The following RBFOX1 variants were observed in gnomAD, a reference collection of about 807,000 sequenced individuals.
RBFOX1 encodes RNA binding fox-1 homolog 1, also known as RNA binding protein fox-1 homolog 1.
A neutral mutation model predicts 57.7 loss-of-function variants in RBFOX1; 8 were observed. The observed-to-expected ratio is 0.14, with a 90% confidence interval of 0.08 to 0.25. The LOEUF (loss-of-function observed/expected upper bound fraction) is 0.25. Ranked by LOEUF, RBFOX1 falls within the 10% of genes least tolerant of loss-of-function variation. The pLI is 1.00. For synonymous variants in RBFOX1, 326 were observed against 222.4 expected (o/e 1.47, Z -4.15); for missense variants, 611 against 548.5 (o/e 1.11, Z -1.14).
intron 4 of RBFOX1, among the ~76,000 whole-genome samples, chr16:7,191,841 T>A (rs1235701294): frequency 6.6e-6 from 1 of 152,244 alleles, no homozygotes; most frequent in African/African-American, 2.4e-5. Flanking sequence ...AGAGTCCGTT[T>A]GGTTTTATTA....
chr16:5,771,533 C>T (rs943094263), intron 3 of RBFOX1, among the ~76,000 whole-genome samples: 3 of 152,104 alleles, frequency 2.0e-5, no homozygotes, highest in Non-Finnish European at 2.9e-5. Context: ...CTCAGCCTCC[C>T]GAATAGCTGA....
chr16:6,973,998 G>C (rs961668961), intron 3 of RBFOX1, among the ~76,000 whole-genome samples: 2 of 152,064 alleles, frequency 1.3e-5, no homozygotes, highest in African/African-American at 4.8e-5. Flanking sequence ...TCATTGTTCA[G>C]CTCTCACTTT....
At chr16:5,953,862 T>G (rs953178476) in intron 4 of RBFOX1, among the ~76,000 whole-genome samples, 2 of 152,084 alleles carry the variant, frequency 1.3e-5, no homozygotes, top group African/African-American at 2.4e-5. Context: ...TACCCAGTAG[T>G]GGGATTGCTG....
chr16:5,265,694 G>T (rs2062840816), intron 1 of RBFOX1, among the ~76,000 whole-genome samples: 1 of 152,118 alleles, frequency 6.6e-6, no homozygotes, highest in African/African-American at 2.4e-5. Flanking sequence ...TTTCCTAGAG[G>T]GGAAGACTTT....
chr16:6,204,795 C>T (rs1302935960), intron 1 of RBFOX1, among the ~76,000 whole-genome samples: 1 of 151,990 alleles, frequency 6.6e-6, no homozygotes, highest in Non-Finnish European at 1.5e-5. Context: ...TTTGTCAGCA[C>T]GTTGTGTGTG....
intron 1 of RBFOX1, among the ~76,000 whole-genome samples, chr16:5,318,570 G>A (rs1312839356): frequency 1.4e-5 from 2 of 145,798 alleles, no homozygotes; most frequent in Non-Finnish European, 3.0e-5. Context: ...CAACCTATTT[G>A]CATTGACTTA....
At chr16:6,356,011 C>A (rs907647590) in intron 2 of RBFOX1, among the ~76,000 whole-genome samples, 5 of 152,102 alleles carry the variant, frequency 3.3e-5, no homozygotes, top group Admixed American at 2.6e-4. Flanking sequence ...AAGAAAGTAG[C>A]ATTAGATTAT....
intron 3 of RBFOX1, among the ~76,000 whole-genome samples, chr16:6,980,650 C>T (rs549282465): frequency 6.6e-6 from 1 of 152,190 alleles, no homozygotes; most frequent in Admixed American, 6.5e-5. Flanking sequence ...TGGTATTTCT[C>T]AAGGAAGAAC....
intron 3 of RBFOX1, among the ~76,000 whole-genome samples, chr16:5,676,736 C>T (rs2050179870): frequency 6.6e-6 from 1 of 152,128 alleles, no homozygotes; most frequent in East Asian, 1.9e-4. Flanking sequence ...GCAGCACATG[C>T]CTGCAATTCC....
intron 3 of RBFOX1, among the ~76,000 whole-genome samples, chr16:5,823,084 A>C (rs1032330578): frequency 6.6e-6 from 1 of 152,144 alleles, no homozygotes; most frequent in Non-Finnish European, 1.5e-5. Flanking sequence ...CCCCATTTGG[A>C]ACTTTTCCCT....
chr16:6,676,142 G>GCACACACACA (rs59806354), intron 3 of RBFOX1, among the ~76,000 whole-genome samples: 3 of 145,860 alleles, frequency 2.1e-5, no homozygotes, highest in African/African-American at 7.8e-5. Context: ...ACACACACGC[G>GCACACACACA]CACACACACA....
chr16:5,966,111 T>C (rs1380652068), intron 4 of RBFOX1, among the ~76,000 whole-genome samples: 1 of 152,192 alleles, frequency 6.6e-6, no homozygotes, highest in Admixed American at 6.5e-5. Flanking sequence ...TTTATTGAAG[T>C]CTAATATACA....
At chr16:6,327,972 G>T (rs17821828) in intron 2 of RBFOX1, among the ~76,000 whole-genome samples, 44,483 of 151,998 alleles carry the variant, frequency 0.29, 7,399 homozygotes, top group Middle Eastern at 0.38. Flanking sequence ...TTCTGAAAAT[G>T]ATCTGGGTGG....
chr16:5,814,495 G>C (rs1404038440), intron 3 of RBFOX1, among the ~76,000 whole-genome samples: 1 of 152,146 alleles, frequency 6.6e-6, no homozygotes, highest in Admixed American at 6.5e-5. Context: ...ATCTTCCCCA[G>C]AATTCCATCA....
At chr16:7,010,989 C>G (rs919909331) in intron 3 of RBFOX1, among the ~76,000 whole-genome samples, 5 of 152,138 alleles carry the variant, frequency 3.3e-5, no homozygotes, top group Non-Finnish European at 5.9e-5. Flanking sequence ...CTGTTCTTTC[C>G]TGTTATATTT....
At chr16:6,784,143 C>T (rs2081507161) in intron 3 of RBFOX1, among the ~76,000 whole-genome samples, 1 of 151,984 alleles carries the variant, frequency 6.6e-6, no homozygotes, top group African/African-American at 2.4e-5. Context: ...GCTTGACTTT[C>T]TTGTACCTGG....
intron 3 of RBFOX1, among the ~76,000 whole-genome samples, chr16:5,614,150 C>T (rs144896853): frequency 1.1e-4 from 16 of 152,120 alleles, no homozygotes; most frequent in African/African-American, 1.2e-4. Context: ...TTGGGAGGTG[C>T]GGATCAGGTG....
intron 3 of RBFOX1, among the ~76,000 whole-genome samples, chr16:6,849,419 AAC>A (rs1285984930): frequency 6.6e-6 from 1 of 152,184 alleles, no homozygotes. Flanking sequence ...CTGTAATACT[AAC>A]ACTTGGGAGG....
chr16:7,428,557 G>A (rs978222390), intron 4 of RBFOX1, among the ~76,000 whole-genome samples: 57 of 147,744 alleles, frequency 3.9e-4, no homozygotes, highest in African/African-American at 1.4e-3. Flanking sequence ...TTTTAGTAGA[G>A]ACAGGGTTTT....
Sources: gnomAD v4.1 joint callset for allele counts (sites outside exome capture counted in the v4.1 genomes callset) on GRCh38, gnomAD v4.1.1 for gene constraint, MANE v1.5 for transcripts, NCBI Gene and HGNC (gene_info 2026-07-23, HGNC 2026-07-21) for gene names.